Variants in SLCO2B1 observed in about 807,000 individuals in gnomAD.
SLCO2B1 encodes solute carrier organic anion transporter family member 2B1.
SLCO2B1 carries 41 observed loss-of-function variants against 67.3 expected under a neutral mutation model. The observed-to-expected ratio is 0.61, with a 90% CI of 0.47 to 0.79. The LOEUF (loss-of-function observed/expected upper bound fraction) is 0.79, where lower values mean the gene tolerates loss of function less well. SLCO2B1 is among the 30% of genes least tolerant of loss of function. SLCO2B1 has a pLI of 0.00. For missense variants in SLCO2B1, 837 were observed against 920.1 expected, an observed-to-expected ratio of 0.91 and a Z score of 1.17; for synonymous variants, 379 against 381.4, an observed-to-expected ratio of 0.99 and a Z score of 0.07.
At chr11:75,176,597 A>G (rs1402444168) in intron 7 of SLCO2B1, among the ~76,000 whole-genome samples, 4 of 152,190 alleles carry the variant, frequency 2.6e-5, no homozygotes, top group African/African-American at 9.7e-5. Flanking sequence ...TTTGGCTAAG[A>G]GTCTGTAAGC....
At chr11:75,182,739 TAA>T (rs34005082) in intron 7 of SLCO2B1, among the ~76,000 whole-genome samples, 2 of 144,604 alleles carry the variant, frequency 1.4e-5, no homozygotes, top group Non-Finnish European at 3.0e-5. Context: ...AAGGCTCTGT[TAA>T]AAAAAAAAAA....
At chr11:75,191,803 G>T (rs186008872) in intron 8 of SLCO2B1, among the ~76,000 whole-genome samples, 10 of 152,238 alleles carry the variant, frequency 6.6e-5, no homozygotes. Context: ...AGTGGAGAGA[G>T]GATTTCATGT....
intron 4 of SLCO2B1, among the ~76,000 whole-genome samples, chr11:75,167,444 GC>G (rs1949906703): frequency 6.6e-6 from 1 of 152,136 alleles, no homozygotes; most frequent in Admixed American, 6.5e-5. Flanking sequence ...CTCAAGCAAA[GC>G]CCTTCTGTCT....
In SLCO2B1 at chr11:75,165,938, A is replaced by G. The variant is rs1949885378; in HGVS notation, c.437A>G (p.Asn146Ser). 1 of 1,613,876 alleles carries G rather than the reference A, an allele frequency of 6.2e-7. No individual in the cohort carries two copies. The highest frequency in any genetic ancestry group is 8.5e-7 in the Non-Finnish European group (1 of 1,179,840). ...ATCTCGGAGCCATACCGCTACGACA[A>G]CACCAGCCCTGGTAAGAGCAGCAGG... ...HFISEPYRYD[N>S]TSPEDMPQDF... The change falls in exon 4 of 14, where the codon AAC (asparagine) becomes AGC (serine). Residue 146 changes from asparagine (N) to serine (S), a missense_variant. Transcript: ENST00000289575.
intron 1 of SLCO2B1, among the ~76,000 whole-genome samples, chr11:75,158,877 G>C (rs546920268): frequency 3.9e-5 from 6 of 152,274 alleles, no homozygotes; most frequent in Non-Finnish European, 7.4e-5. Flanking sequence ...AGAATCCTGG[G>C]CCTTTCCCAC....
At chr11:75,156,275 GC>G (rs1949745151) in intron 1 of SLCO2B1, among the ~76,000 whole-genome samples, 1 of 152,206 alleles carries the variant, frequency 6.6e-6, no homozygotes, top group South Asian at 2.1e-4. Context: ...GACAACCTCT[GC>G]CCTGGGGGAG....
Position 75,164,079 on chromosome 11 carries a change from G to T in SLCO2B1, c.264G>T (p.Gly88=), listed in dbSNP as rs536273429. 5 of 1,608,416 alleles carry T rather than the reference G, an allele frequency of 3.1e-6. No individual in the cohort carries two copies. Among genetic ancestry groups the T allele is most frequent in the Non-Finnish European group, 8.5e-7 (1 of 1,177,728 alleles). Reference sequence around the variant, plus strand: ...TCGGCCTCTCCAGCCAGACGTCGGGGCTGCTGGCCTCCTTCAACGAGGTAC... The same window carrying T: ...TCGGCCTCTCCAGCCAGACGTCGGGTCTGCTGGCCTCCTTCAACGAGGTAC... ...KRFGLSSQTS[G]LLASFNEVGN... Residue 88 remains glycine, a synonymous_variant, in exon 3 of 14, where the codon GGG becomes GGT. Coordinates refer to ENST00000289575, the MANE Select transcript of SLCO2B1 (RefSeq NM_007256.5).
chr11:75,181,265 G>A (rs1347481265), intron 7 of SLCO2B1, among the ~76,000 whole-genome samples: 1 of 151,582 alleles, frequency 6.6e-6, no homozygotes, highest in African/African-American at 2.4e-5. Context: ...AGCTACTTGG[G>A]AGGCTGAGGC....
intron 7 of SLCO2B1, 39 bp downstream of exon 7, chr11:75,172,608 C>A (rs1949976124): frequency 1.3e-6 from 2 of 1,545,686 alleles, no homozygotes; most frequent in Non-Finnish European, 1.8e-6. Flanking sequence ...GTCCAGGCTC[C>A]AGCACCACCC....
Position 75,171,814 on chromosome 11 carries a change from AT to A in SLCO2B1, c.782-559del, listed in dbSNP as rs373556241. ...AAGTGGGTCTTCAGTAAGGCCAGGT[AT>A]TTTTTGACAAACATCCCTGGGGATA... On this transcript the variant is annotated intron_variant, in intron 6 of 13. Transcript: ENST00000289575. Among the ~76,000 whole-genome samples the A allele has an allele frequency of 3.1e-3, 466 of 152,268 alleles. 3 individuals are homozygous for A. The highest frequency in any genetic ancestry group is 0.011 in the African/African-American group (451 of 41,562).
intron 8 of SLCO2B1, among the ~76,000 whole-genome samples, chr11:75,192,969 G>A (rs1175711339): frequency 6.6e-6 from 1 of 152,186 alleles, no homozygotes; most frequent in Non-Finnish European, 1.5e-5. Context: ...CTTGAACCCA[G>A]GAGGCAGAGG....
rs1175810080 is a variant in SLCO2B1, at chr11:75,179,832, G to A, written c.972+7263G>A. On this transcript the variant is annotated intron_variant, in intron 7 of 13. Transcript: ENST00000289575. ...GCTCACTGCAACCTCCACCTCCCGA[G>A]TTAAAGCAATTCTCCTGCGTCATCC... Among the ~76,000 whole-genome samples, 3 of 151,508 alleles carry A rather than the reference G, an allele frequency of 2.0e-5. No homozygotes were observed. The East Asian group carries it at 5.8e-4, about 29-fold the overall frequency.
intron 6 of SLCO2B1, among the ~76,000 whole-genome samples, chr11:75,171,430 A>C (rs1949959736): frequency 6.6e-6 from 1 of 151,788 alleles, no homozygotes; most frequent in Non-Finnish European, 1.5e-5. Flanking sequence ...GTAACTTTTT[A>C]ATTTATTTGT....
chr11:75,152,170 G>A (rs1949699952), intron 1 of SLCO2B1, among the ~76,000 whole-genome samples: 1 of 152,274 alleles, frequency 6.6e-6, no homozygotes, highest in Non-Finnish European at 1.5e-5. Flanking sequence ...TGGGAACAGA[G>A]CACCTGGCCC....
chr11:75,155,185 A>C lies in SLCO2B1; in HGVS notation c.16+3788A>C, dbSNP rs190836719. ...CTGGAGTCTCACAAAGCTGGACCTCAAGCATGCTATTGTCCTCCCAGCAGA... is the reference window on the plus strand; with the variant it reads ...CTGGAGTCTCACAAAGCTGGACCTCCAGCATGCTATTGTCCTCCCAGCAGA... On this transcript the variant is annotated intron_variant, in intron 1 of 13. Coordinates refer to ENST00000289575, the MANE Select transcript of SLCO2B1 (RefSeq NM_007256.5). Among the ~76,000 whole-genome samples, 233 of 152,108 alleles carry C rather than the reference A, an allele frequency of 1.5e-3. No homozygotes were observed. In the Middle Eastern group the frequency reaches 0.024, roughly 16 times the overall value.
Position 75,172,546 on chromosome 11 carries a change from G to A in SLCO2B1, c.949G>A (p.Val317Ile), listed in dbSNP as rs756742803. Residue 317 changes from valine (V) to isoleucine (I), a missense_variant, in exon 7 of 14, where the codon GTC becomes ATC. Val to Ile is a conservative substitution (Grantham distance 29). Transcript: ENST00000289575. ...ELQFRRKVLAVTDSPARKGKD... is the reference protein window; with the variant it reads ...ELQFRRKVLAITDSPARKGKD... ...TCAGTTTCGGCGAAAGGTCTTAGCA[G>A]TCACAGACTCACCTGCCAGGAAGGT... The A allele has an allele frequency of 6.2e-7, 1 of 1,613,960 alleles. No individual in the cohort carries two copies.
chr11:75,187,999 A>C, intron 7 of SLCO2B1, 137 bp from the exon 8 acceptor site: 1 of 596,402 alleles, frequency 1.7e-6, no homozygotes, highest in Non-Finnish European at 3.0e-6. Context: ...GGAACACTGC[A>C]GGCCTCAATT....
intron 1 of SLCO2B1, among the ~76,000 whole-genome samples, chr11:75,162,237 A>G (rs535319907): frequency 6.6e-6 from 1 of 152,170 alleles, no homozygotes; most frequent in Non-Finnish European, 1.5e-5. Flanking sequence ...AGACAGTCCC[A>G]GGCCCAGACT....
At chr11:75,182,810 T>C (rs1950106157) in intron 7 of SLCO2B1, among the ~76,000 whole-genome samples, 1 of 152,064 alleles carries the variant, frequency 6.6e-6, no homozygotes, top group Admixed American at 6.6e-5. Context: ...TGTGGTTGTT[T>C]CTACTCTTTA....
Sources: allele counts gnomAD v4.1 joint callset (sites outside exome capture counted in the v4.1 genomes callset), GRCh38; gene constraint gnomAD v4.1.1; transcripts MANE v1.5; gene names NCBI Gene and HGNC (gene_info 2026-07-23, HGNC 2026-07-21).